Variants in FAT4 observed in about 807,000 individuals in gnomAD.
The protein encoded by FAT4 is FAT atypical cadherin 4.
FAT4 carries 84 observed loss-of-function variants against 303.9 expected under a neutral mutation model. The observed-to-expected ratio is 0.28, with a 90% CI of 0.23 to 0.33. FAT4 has a LOEUF of 0.33. Among genes scored for constraint, FAT4 ranks in the 10% least tolerant of loss-of-function variants. FAT4 has a pLI of 1.00. For synonymous variants in FAT4, 2,307 were observed against 2,298.8 expected (o/e 1.00, Z -0.10); for missense variants, 6,005 against 6,146.8 (o/e 0.98, Z 0.77).
At chr4:125,469,043 G>C (rs767768658) in intron 12 of FAT4, among the ~76,000 whole-genome samples, 1 of 152,128 alleles carries the variant, frequency 6.6e-6, no homozygotes. Context: ...TAATTTCATT[G>C]ATATTTTTTG....
chr4:125,459,546 GATAA>G (rs1386558062), intron 10 of FAT4, among the ~76,000 whole-genome samples: 1 of 151,982 alleles, frequency 6.6e-6, no homozygotes, highest in South Asian at 2.1e-4. Context: ...TTCTAGTTAT[GATAA>G]ATAGTGTATG....
Position 125,326,789 on chromosome 4 carries a change from G to A in FAT4, c.5175+5203G>A, listed in dbSNP as rs187466527. On this transcript the variant is annotated intron_variant, in intron 2 of 17. Coordinates refer to ENST00000394329, the MANE Select transcript of FAT4 (RefSeq NM_001291303.3). ...AAGTGGCTCACACCTTAAATGGGAG[G>A]CCAAGGCAGACAATTCCTTGAGGCC... 2.5e-3 allele frequency among the ~76,000 whole-genome samples: 382 copies of A among 152,238 alleles called. 1 individual carries two copies. Among genetic ancestry groups the A allele is most frequent in the African/African-American group, 8.2e-3 (341 of 41,540 alleles).
intron 12 of FAT4, among the ~76,000 whole-genome samples, chr4:125,473,020 T>C (rs759361248): frequency 2.0e-5 from 3 of 152,176 alleles, no homozygotes; most frequent in Non-Finnish European, 2.9e-5. Context: ...AACATTTTTC[T>C]AATATATTTA....
intron 2 of FAT4, among the ~76,000 whole-genome samples, chr4:125,391,581 T>C (rs1733981970): frequency 6.6e-6 from 1 of 152,242 alleles, no homozygotes; most frequent in South Asian, 2.1e-4. Context: ...CAAACCACCA[T>C]GGCACATGTA....
chr4:125,450,497 G>A lies in FAT4; in HGVS notation c.9487G>A (p.Glu3163Lys), dbSNP rs370088878. 3.8e-5 allele frequency: 62 copies of A among 1,613,926 alleles called. No homozygotes were observed. Among genetic ancestry groups the A allele is most frequent in the African/African-American group, 6.7e-5 (5 of 74,902 alleles). Residue 3163 changes from glutamate (E) to lysine (K), a missense_variant, in exon 10 of 18, where the codon GAA becomes AAA. Glu to Lys is a moderately conservative substitution (Grantham distance 56). Transcript: ENST00000394329. ...TGATTATGAGCTATGCCAGAAACAC[G>A]AAATGACGATTAGTGCTATAGATGG... Reference protein sequence around the residue: ...ALDYELCQKHEMTISAIDGGW... With the variant: ...ALDYELCQKHKMTISAIDGGW...
chr4:125,452,126 T>C lies in FAT4; in HGVS notation c.11116T>C (p.Phe3706Leu), dbSNP rs775796486. 1.2e-6 allele frequency: 2 copies of C among 1,614,150 alleles called. No homozygotes were observed. The highest frequency in any genetic ancestry group is 1.7e-6 in the Non-Finnish European group (2 of 1,180,028). Reference sequence around the variant, plus strand: ...CAACATCCGAGTTTTCTTTGCTGGATTTTCCAATGCCACAGTGGATAACAG... The same window carrying C: ...CAACATCCGAGTTTTCTTTGCTGGACTTTCCAATGCCACAGTGGATAACAG... ...TSNIRVFFAG[F>L]SNATVDNSIL... Residue 3706 changes from phenylalanine (F) to leucine (L), a missense_variant, in exon 10 of 18, where the codon TTT (phenylalanine) becomes CTT (leucine). By Grantham distance (22) the Phe-to-Leu change is conservative. Coordinates refer to ENST00000394329, the MANE Select transcript of FAT4 (RefSeq NM_001291303.3).
In FAT4 at chr4:125,320,630, G is replaced by T. The variant is rs114227532; in HGVS notation, c.4219G>T (p.Val1407Phe). The T allele has an allele frequency of 6.2e-7, 1 of 1,613,980 alleles. No homozygotes were observed. Among genetic ancestry groups the T allele is most frequent in the African/African-American group, 1.3e-5 (1 of 74,906 alleles). ...RPPRSSTMSV[V>F]IHVRDFNDNP... ...TCCTCGTTCATCTACAATGTCAGTG[G>T]TTATTCACGTGAGGGACTTTAATGA... The change falls in exon 2 of 18, where the codon GTT becomes TTT. Residue 1407 changes from valine to phenylalanine, a missense_variant. Val to Phe is a conservative substitution (Grantham distance 50, BLOSUM62 -1). Transcript: ENST00000394329.
At chr4:125,390,792 C>T (rs1026991375) in intron 2 of FAT4, among the ~76,000 whole-genome samples, 1 of 152,092 alleles carries the variant, frequency 6.6e-6, no homozygotes, top group African/African-American at 2.4e-5. Context: ...CCTTTTATTC[C>T]AGTCTCCTAA....
intron 2 of FAT4, among the ~76,000 whole-genome samples, chr4:125,373,416 AATATAGGACAG>A (rs779863359): frequency 1.6e-3 from 243 of 152,254 alleles, no homozygotes; most frequent in Non-Finnish European, 2.9e-3. Context: ...TAGAGATCAG[AATATAGGACAG>A]ATTGTTTTAA....
At chr4:125,432,858 C>G (rs986080865) in intron 7 of FAT4, among the ~76,000 whole-genome samples, 9 of 151,960 alleles carry the variant, frequency 5.9e-5, no homozygotes, top group Non-Finnish European at 1.0e-4. Context: ...AGTGTGCAGT[C>G]TAAATTTAAT....
At chr4:125,462,018 C>G (rs989566555) in intron 10 of FAT4, among the ~76,000 whole-genome samples, 2 of 151,848 alleles carry the variant, frequency 1.3e-5, no homozygotes, top group African/African-American at 4.8e-5. Flanking sequence ...ATTTTCATGC[C>G]CTTGCCTTAA....
chr4:125,457,233 A>G (rs1167609265), intron 10 of FAT4, among the ~76,000 whole-genome samples: 1 of 152,038 alleles, frequency 6.6e-6, no homozygotes, highest in Non-Finnish European at 1.5e-5. Flanking sequence ...GATGCAAACT[A>G]AGAGACTTTA....
rs781736766 is a variant in FAT4 at position 125,320,639 on chromosome 4, G to A, written c.4228G>A (p.Val1410Met). ...RSSTMSVVIH[V>M]RDFNDNPPSF... ...ATCTACAATGTCAGTGGTTATTCAC[G>A]TGAGGGACTTTAATGACAATCCTCC... The change falls in exon 2 of 18, where the codon GTG becomes ATG. Residue 1410 changes from valine to methionine, a missense_variant. Val to Met is a conservative substitution (Grantham distance 21). Transcript: ENST00000394329. 74 of 1,613,938 alleles carry A rather than the reference G, an allele frequency of 4.6e-5. No individual in the cohort carries two copies. Among genetic ancestry groups the A allele is most frequent in the African/African-American group, 9.3e-5 (7 of 74,942 alleles).
At chr4:125,353,508 A>G (rs1190656830) in intron 2 of FAT4, among the ~76,000 whole-genome samples, 1 of 151,662 alleles carries the variant, frequency 6.6e-6, no homozygotes, top group East Asian at 1.9e-4. Flanking sequence ...TAATATGTTT[A>G]GTATTCTTTG....
rs1291448764 is a variant in FAT4, at chr4:125,319,795, C to G, written c.3384C>G (p.Asp1128Glu). 6.2e-7 allele frequency: 1 copy of G among 1,614,052 alleles called. No individual in the cohort carries two copies. The highest frequency in any genetic ancestry group is 8.5e-7 in the Non-Finnish European group (1 of 1,180,028). The change falls in exon 2 of 18, where the codon GAC becomes GAG. Residue 1128 changes from aspartate to glutamate, a missense_variant. Asp to Glu is a conservative substitution (Grantham distance 45). Coordinates refer to ENST00000394329, the MANE Select transcript of FAT4 (RefSeq NM_001291303.3). ...FVGKVSAVDK[D>E]FGPNGEVRYS... ...GCAAAGTAAGTGCTGTAGATAAAGACTTTGGGCCAAATGGAGAAGTAAGGT... is the reference window on the plus strand; with the variant it reads ...GCAAAGTAAGTGCTGTAGATAAAGAGTTTGGGCCAAATGGAGAAGTAAGGT...
intron 3 of FAT4, among the ~76,000 whole-genome samples, chr4:125,405,262 C>G (rs1339268911): frequency 6.6e-6 from 1 of 151,990 alleles, no homozygotes. Context: ...AAAAGGATTG[C>G]TGGATCATAC....
chr4:125,490,821 T>C lies in FAT4; in HGVS notation c.14005T>C (p.Leu4669=). ...LGFARQSPMP[L]GASSLTYQPS... is the part of the protein sequence containing the mutation. ...CTTTGCAAGGCAATCCCCCATGCCCTTAGGAGCAAGCAGTTTGACTTACCA... is the reference window on the plus strand; with the variant it reads ...CTTTGCAAGGCAATCCCCCATGCCCCTAGGAGCAAGCAGTTTGACTTACCA... The change falls in exon 18 of 18, where the codon TTA becomes CTA. Residue 4669 remains leucine, a synonymous_variant. Coordinates refer to ENST00000394329, the MANE Select transcript of FAT4 (RefSeq NM_001291303.3). The C allele has an allele frequency of 6.2e-7, 1 of 1,614,088 alleles. No homozygotes were observed. Among genetic ancestry groups the C allele is most frequent in the Middle Eastern group, 1.7e-4 (1 of 6,060 alleles).
In FAT4 at chr4:125,491,506, G is replaced by T. The variant is rs1253362746; in HGVS notation, c.14690G>T (p.Gly4897Val). The T allele has an allele frequency of 6.2e-7, 1 of 1,614,182 alleles. No homozygotes were observed. Among genetic ancestry groups the T allele is most frequent in the Non-Finnish European group, 8.5e-7 (1 of 1,180,032 alleles). Residue 4897 changes from glycine (G) to valine (V), a missense_variant, in exon 18 of 18, where the codon GGT (glycine) becomes GTT (valine). Transcript: ENST00000394329. Reference sequence around the variant, plus strand: ...AGACTGAAGCCTCGAAGGTACCACGGTCGCAGGGCCGAGGGAGGACCTGTG... The same window carrying T: ...AGACTGAAGCCTCGAAGGTACCACGTTCGCAGGGCCGAGGGAGGACCTGTG... ...GARLKPRRYHGRRAEGGPVGT... is the reference protein window; with the variant it reads ...GARLKPRRYHVRRAEGGPVGT...
intron 17 of FAT4, among the ~76,000 whole-genome samples, chr4:125,488,868 C>T (rs771755267): frequency 3.3e-5 from 5 of 151,946 alleles, no homozygotes; most frequent in Admixed American, 6.6e-5. Flanking sequence ...AAGCCTGGGA[C>T]GTCATCTTGA....
Sources: gnomAD v4.1 joint callset for allele counts (sites outside exome capture counted in the v4.1 genomes callset) on GRCh38, gnomAD v4.1.1 for gene constraint, MANE v1.5 for transcripts, NCBI Gene and HGNC (gene_info 2026-07-23, HGNC 2026-07-21) for gene names.